LSAMP: variants seen among roughly 807,000 people sequenced by gnomAD.
The protein encoded by LSAMP is limbic system-associated membrane protein.
Under a neutral mutation model 38.6 loss-of-function variants are expected in LSAMP, and 7 were observed. The observed-to-expected ratio is 0.18, with a 90% CI of 0.10 to 0.34. LSAMP has a LOEUF of 0.34. LSAMP is among the 10% of genes least tolerant of loss of function. The pLI is 1.00. For missense variants in LSAMP, 313 were observed against 420.0 expected, an observed-to-expected ratio of 0.75 and a Z score of 2.23; for synonymous variants, 154 against 166.8, an observed-to-expected ratio of 0.92 and a Z score of 0.59.
intron 3 of LSAMP, among the ~76,000 whole-genome samples, chr3:115,984,228 A>G (rs1000513690): frequency 2.0e-5 from 3 of 152,162 alleles, no homozygotes; most frequent in Non-Finnish European, 2.9e-5. Context: ...ACAAAGAAAA[A>G]AAAAATCAGG....
chr3:116,445,012 G>A lies in LSAMP; in HGVS notation c.20C>T (p.Pro7Leu), dbSNP rs543678029. 1 of 1,613,806 alleles carries A rather than the reference G, an allele frequency of 6.2e-7. No individual in the cohort carries two copies. The highest frequency in any genetic ancestry group is 8.5e-7 in the Non-Finnish European group (1 of 1,179,854). Residue 7 changes from proline to leucine, a missense_variant, in exon 1 of 7, where the codon CCG (proline) becomes CTG (leucine). Transcript: ENST00000490035. ...GACCAGTGGCAACTGTTTCCGATCC[G>A]GCTGAACTCTCCTGACCATGGTGGC... is the stretch of plus-strand genomic sequence containing the variant. MVRRVQPDRKQLPLVLL... is the reference protein window; with the variant it reads MVRRVQLDRKQLPLVLL...
chr3:116,054,192 A>G (rs1216148498), intron 2 of LSAMP, among the ~76,000 whole-genome samples: 2 of 152,108 alleles, frequency 1.3e-5, no homozygotes, highest in Non-Finnish European at 2.9e-5. Context: ...CAGCATCAAT[A>G]ATCTCTTTTT....
At chr3:116,421,285 T>G (rs891702676) in intron 1 of LSAMP, among the ~76,000 whole-genome samples, 2 of 152,102 alleles carry the variant, frequency 1.3e-5, no homozygotes, top group Admixed American at 6.5e-5. Flanking sequence ...AAAGAATTAT[T>G]GGGGCCAGGC....
chr3:116,021,204 ATCC>A (rs1940628912), intron 2 of LSAMP, among the ~76,000 whole-genome samples: 1 of 152,204 alleles, frequency 6.6e-6, no homozygotes, highest in African/African-American at 2.4e-5. Flanking sequence ...AGAGTTCCTA[ATCC>A]TCCCTTTAGC....
At chr3:115,864,820 C>T (rs1325470110) in intron 3 of LSAMP, among the ~76,000 whole-genome samples, 2 of 152,080 alleles carry the variant, frequency 1.3e-5, no homozygotes, top group Non-Finnish European at 2.9e-5. Flanking sequence ...CTAATACCTG[C>T]CATACAAACG....
chr3:115,848,917 C>G (rs1191127642), intron 4 of LSAMP, among the ~76,000 whole-genome samples: 1 of 152,130 alleles, frequency 6.6e-6, no homozygotes, highest in East Asian at 1.9e-4. Flanking sequence ...ATAAAATTAA[C>G]AGTTTGTATT....
At chr3:116,354,587 G>A (rs1461003327) in intron 1 of LSAMP, among the ~76,000 whole-genome samples, 1 of 152,188 alleles carries the variant, frequency 6.6e-6, no homozygotes, top group Non-Finnish European at 1.5e-5. Context: ...CAGAGATGAA[G>A]GAGATCCTTC....
chr3:116,041,012 C>T (rs1306073754), intron 2 of LSAMP, among the ~76,000 whole-genome samples: 1 of 152,234 alleles, frequency 6.6e-6, no homozygotes, highest in Non-Finnish European at 1.5e-5. Flanking sequence ...TAGCCTCAAC[C>T]TCCTGGGCTC....
intron 2 of LSAMP, among the ~76,000 whole-genome samples, chr3:116,021,609 A>G (rs531858566): frequency 6.6e-6 from 1 of 152,216 alleles, no homozygotes; most frequent in Non-Finnish European, 1.5e-5. Flanking sequence ...CTAAGAGTCC[A>G]CATTACTAAA....
At chr3:115,919,142 C>T (rs570822916) in intron 3 of LSAMP, among the ~76,000 whole-genome samples, 1 of 152,310 alleles carries the variant, frequency 6.6e-6, no homozygotes, top group African/African-American at 2.4e-5. Context: ...TCCTCACCCC[C>T]ACTGTCCTGC....
chr3:116,208,173 T>C (rs1246656617), intron 1 of LSAMP, among the ~76,000 whole-genome samples: 6 of 152,104 alleles, frequency 3.9e-5, no homozygotes, highest in Admixed American at 3.3e-4. Flanking sequence ...ACTGATACCC[T>C]TTCTTCCAGT....
chr3:116,315,185 C>T (rs865905896), intron 1 of LSAMP, among the ~76,000 whole-genome samples: 1 of 152,268 alleles, frequency 6.6e-6, no homozygotes, highest in South Asian at 2.1e-4. Flanking sequence ...TACCCATATC[C>T]CAGTTTCTAT....
intron 2 of LSAMP, among the ~76,000 whole-genome samples, chr3:116,052,967 T>C (rs970189007): frequency 1.3e-5 from 2 of 152,090 alleles, no homozygotes; most frequent in African/African-American, 2.4e-5. Flanking sequence ...CTGGGTAAAA[T>C]GTCTCTATTT....
At chr3:115,958,125 C>T (rs1576256195) in intron 3 of LSAMP, among the ~76,000 whole-genome samples, 2 of 152,070 alleles carry the variant, frequency 1.3e-5, no homozygotes, top group East Asian at 3.8e-4. Flanking sequence ...CATAGTTTGG[C>T]TCATTTTAGG....
intron 2 of LSAMP, among the ~76,000 whole-genome samples, chr3:116,049,667 T>G (rs189399612): frequency 6.6e-6 from 1 of 152,342 alleles, no homozygotes; most frequent in East Asian, 1.9e-4. Flanking sequence ...CTGGATCAAT[T>G]AAACATTTTT....
At chr3:116,406,197 GA>G (rs754500219) in intron 1 of LSAMP, among the ~76,000 whole-genome samples, 6 of 152,024 alleles carry the variant, frequency 3.9e-5, no homozygotes, top group Non-Finnish European at 7.4e-5. Context: ...GAGACTTGGG[GA>G]ACTCTGAGGA....
At chr3:116,296,694 C>CAAAAAAAAAA (rs10659032) in intron 1 of LSAMP, among the ~76,000 whole-genome samples, 1 of 59,698 alleles carries the variant, frequency 1.7e-5, no homozygotes, top group African/African-American at 6.6e-5. Context: ...GACTCTGTCT[C>CAAAAAAAAAA]AAAAAAAAAA....
intron 2 of LSAMP, among the ~76,000 whole-genome samples, chr3:116,074,582 A>G (rs1052155659): frequency 1.3e-5 from 2 of 152,214 alleles, no homozygotes; most frequent in African/African-American, 4.8e-5. Context: ...CCCCAGGGAA[A>G]GTTTCCATTA....
chr3:115,881,085 G>C (rs76579071), intron 3 of LSAMP, among the ~76,000 whole-genome samples: 1,324 of 90,174 alleles, frequency 0.015, 18 homozygotes, highest in African/African-American at 0.049. Context: ...ACTGTACATA[G>C]TGCCATTATG....
Sources: gnomAD v4.1 joint callset for allele counts (sites outside exome capture counted in the v4.1 genomes callset) on GRCh38, gnomAD v4.1.1 for gene constraint, MANE v1.5 for transcripts, NCBI Gene and HGNC (gene_info 2026-07-23, HGNC 2026-07-21) for gene names.